THRB: variants seen among roughly 807,000 people sequenced by gnomAD.
THRB encodes the protein thyroid hormone receptor beta.
Under a neutral mutation model 47.8 loss-of-function variants are expected in THRB, and 12 were observed. The ratio of observed to expected loss-of-function variants is 0.25; its 90% CI spans 0.16 to 0.41. The LOEUF (loss-of-function observed/expected upper bound fraction) is 0.41. THRB is among the 10% of genes least tolerant of loss of function. THRB has a pLI of 1.00. For missense variants in THRB, 348 were observed against 589.2 expected, an observed-to-expected ratio of 0.59 and a Z score of 4.24; for synonymous variants, 218 against 212.2, an observed-to-expected ratio of 1.03 and a Z score of -0.24.
At chr3:24,407,339 T>G (rs1335373118) in intron 1 of THRB, among the ~76,000 whole-genome samples, 1 of 83,908 alleles carries the variant, frequency 1.2e-5, no homozygotes, top group African/African-American at 5.8e-5. Context: ...ATCCACAGAT[T>G]GCAAACATTT....
At chr3:24,487,338 A>C (rs1697454414) in intron 1 of THRB, among the ~76,000 whole-genome samples, 1 of 148,736 alleles carries the variant, frequency 6.7e-6, no homozygotes, top group African/African-American at 2.6e-5. Context: ...GGTTTTAGAC[A>C]CACAAGCACA....
intron 3 of THRB, among the ~76,000 whole-genome samples, chr3:24,280,080 T>G (rs957344815): frequency 5.9e-5 from 9 of 152,194 alleles, no homozygotes; most frequent in African/African-American, 2.2e-4. Context: ...TTATCTTTCC[T>G]TCATAAGCTA....
chr3:24,149,728 A>G (rs149323426), intron 6 of THRB, among the ~76,000 whole-genome samples: 1 of 152,222 alleles, frequency 6.6e-6, no homozygotes, highest in Non-Finnish European at 1.5e-5. Context: ...ATTAAAGCAT[A>G]TTTTGATGTA....
chr3:24,282,786 A>T (rs1444142126), intron 3 of THRB, among the ~76,000 whole-genome samples: 1 of 150,026 alleles, frequency 6.7e-6, no homozygotes, highest in East Asian at 1.9e-4. Context: ...ACAAACTACC[A>T]TCAGAGAATA....
chr3:24,280,921 G>T (rs2054516769), intron 3 of THRB, among the ~76,000 whole-genome samples: 1 of 152,170 alleles, frequency 6.6e-6, no homozygotes. Context: ...AAGCCTCCAA[G>T]AAATATGGGA....
intron 3 of THRB, among the ~76,000 whole-genome samples, chr3:24,248,857 C>T (rs1269011277): frequency 1.3e-5 from 2 of 152,104 alleles, no homozygotes; most frequent in Non-Finnish European, 2.9e-5. Flanking sequence ...CTTTTTGTTT[C>T]CCAACTCTGA....
chr3:24,221,088 C>T (rs779242112), intron 4 of THRB, among the ~76,000 whole-genome samples: 3 of 152,122 alleles, frequency 2.0e-5, no homozygotes, highest in Non-Finnish European at 2.9e-5. Flanking sequence ...GATTCCAGAG[C>T]GAGAATGTCA....
intron 1 of THRB, among the ~76,000 whole-genome samples, chr3:24,369,506 G>A (rs1332892983): frequency 1.3e-5 from 2 of 152,090 alleles, no homozygotes; most frequent in Admixed American, 6.6e-5. Flanking sequence ...GAAAACATGA[G>A]TAGAAAATAA....
At chr3:24,433,424 T>C (rs2070645622) in intron 1 of THRB, among the ~76,000 whole-genome samples, 1 of 151,970 alleles carries the variant, frequency 6.6e-6, no homozygotes, top group South Asian at 2.1e-4. Flanking sequence ...CTTTCTAAAA[T>C]GGAGGGAGAA....
chr3:24,466,997 C>T (rs572311348), intron 1 of THRB, among the ~76,000 whole-genome samples: 58 of 152,254 alleles, frequency 3.8e-4, no homozygotes, highest in African/African-American at 1.3e-3. Context: ...GAATTTTGCC[C>T]ACAGTGGAAC....
At chr3:24,355,428 A>T (rs2063613604) in intron 1 of THRB, among the ~76,000 whole-genome samples, 1 of 152,194 alleles carries the variant, frequency 6.6e-6, no homozygotes, top group East Asian at 1.9e-4. Flanking sequence ...AATTGTTACC[A>T]AAGACATGAT....
intron 1 of THRB, among the ~76,000 whole-genome samples, chr3:24,467,698 C>A (rs2074262562): frequency 6.6e-6 from 1 of 152,192 alleles, no homozygotes; most frequent in African/African-American, 2.4e-5. Flanking sequence ...TAGGTCTCAA[C>A]AGTGAGCTTA....
intron 1 of THRB, among the ~76,000 whole-genome samples, chr3:24,454,735 A>G (rs1427822833): frequency 6.6e-6 from 1 of 151,960 alleles, no homozygotes; most frequent in African/African-American, 2.4e-5. Context: ...TTTTCTATAG[A>G]TATTGTTGAA....
At position 24,299,769 on chromosome 3, in the gene THRB, T is replaced by A. The variant is rs554710140; in HGVS notation, c.-188-2398A>T. Among the ~76,000 whole-genome samples, 206 of 70,232 alleles carry A rather than the reference T, an allele frequency of 2.9e-3. 3 individuals carry two copies. Among genetic ancestry groups the A allele is most frequent in the Admixed American group, 6.9e-3 (40 of 5,784 alleles). The allele number at this position is 70,232 out of a possible 152,430, so 46.1% of individuals were successfully genotyped here. ...TTGAGGCTTCTGGGGAAGTATGCTT[T>A]TTTATTTATTTATTTATTTATTTTT... On this transcript the variant is annotated intron_variant, in intron 2 of 10. Coordinates refer to ENST00000646209, the MANE Select transcript of THRB (RefSeq NM_001354712.2).
intron 3 of THRB, among the ~76,000 whole-genome samples, chr3:24,249,460 T>G (rs1041885008): frequency 6.6e-6 from 1 of 152,138 alleles, no homozygotes; most frequent in Non-Finnish European, 1.5e-5. Context: ...AATTAAACTC[T>G]TAGAGCGATA....
chr3:24,254,536 G>C (rs1299271044), intron 3 of THRB, among the ~76,000 whole-genome samples: 1 of 152,188 alleles, frequency 6.6e-6, no homozygotes, highest in Non-Finnish European at 1.5e-5. Flanking sequence ...AAATAAATAT[G>C]CATCTTCCAA....
At chr3:24,455,399 C>T (rs2073074533) in intron 1 of THRB, 2 of 152,060 alleles carry the variant, frequency 1.3e-5, no homozygotes, top group African/African-American at 2.4e-5. Context: ...AGAGGTCTTA[C>T]TTAGTTGTGG....
chr3:24,197,119 T>C (rs2044044249), intron 4 of THRB, among the ~76,000 whole-genome samples: 1 of 152,226 alleles, frequency 6.6e-6, no homozygotes, highest in African/African-American at 2.4e-5. Flanking sequence ...AAGAGAAAAC[T>C]ATTTCCTAGG....
At chr3:24,242,380 AT>A (rs903399914) in intron 3 of THRB, among the ~76,000 whole-genome samples, 10 of 149,188 alleles carry the variant, frequency 6.7e-5, no homozygotes, top group East Asian at 2.0e-4. Context: ...GGCTCCAAGC[AT>A]TTTTTTTTTC....
Sources: allele counts gnomAD v4.1 joint callset (sites outside exome capture counted in the v4.1 genomes callset), GRCh38; gene constraint gnomAD v4.1.1; transcripts MANE v1.5; gene names NCBI Gene and HGNC (gene_info 2026-07-23, HGNC 2026-07-21).